Variants in ISL1 observed in about 807,000 individuals in gnomAD.
The protein encoded by ISL1 is ISL LIM homeobox 1.
ISL1 carries 4 observed loss-of-function variants against 35.3 expected under a neutral mutation model. The ratio of observed to expected loss-of-function variants is 0.11; its 90% CI spans 0.06 to 0.26. The LOEUF is 0.26. Ranked by LOEUF, ISL1 falls within the 10% of genes least tolerant of loss-of-function variation. The probability of loss-of-function intolerance (pLI) is 1.00; values close to 1 mark genes in which losing one functional copy is unlikely to be tolerated. For synonymous variants in ISL1, 186 were observed against 172.3 expected, an observed-to-expected ratio of 1.08 and a Z score of -0.62; for missense variants, 340 against 472.8, an observed-to-expected ratio of 0.72 and a Z score of 2.60.
chr5:51,386,923 T>G (rs1157744044), intron 2 of ISL1, among the ~76,000 whole-genome samples: 1 of 152,202 alleles, frequency 6.6e-6, no homozygotes, highest in African/African-American at 2.4e-5. Context: ...TCTGCTTGTT[T>G]ATTTGTGAGT....
At chr5:51,392,449 A>T (rs528343443) in intron 5 of ISL1, among the ~76,000 whole-genome samples, 17 of 152,198 alleles carry the variant, frequency 1.1e-4, no homozygotes, top group African/African-American at 3.9e-4. Context: ...CCTGGAGGGC[A>T]TTTGCTTTCT....
rs1747509193 is a variant in ISL1 at position 51,391,348 on chromosome 5, C to T, written c.840C>T (p.Asn280=). ...PERHDGGLQA[N]PVEVQSYQPP... The stretch of plus-strand genomic sequence containing the variant: ...GACACGACGGTGGCTTACAGGCTAA[C>T]CCAGTGGAAGTACAAAGTTACCAGC... Residue 280 remains asparagine, a synonymous_variant, in exon 5 of 6, where the codon AAC becomes AAT. Coordinates refer to ENST00000230658, the MANE Select transcript of ISL1 (RefSeq NM_002202.3). 6 of 1,613,956 alleles carry T rather than the reference C, an allele frequency of 3.7e-6. No individual in the cohort carries two copies. Among genetic ancestry groups the T allele is most frequent in the East Asian group, 4.5e-5 (2 of 44,870 alleles).
chr5:51,391,031 T>C (rs939919738), intron 4 of ISL1, among the ~76,000 whole-genome samples: 4 of 152,032 alleles, frequency 2.6e-5, no homozygotes, highest in African/African-American at 9.7e-5. Flanking sequence ...AAAATCAAAG[T>C]AGAATTTGGT....
chr5:51,384,585 C>G lies in ISL1; in HGVS notation c.73C>G (p.His25Asp). The change falls in exon 2 of 6, where the codon CAC becomes GAC. Residue 25 changes from histidine (H) to aspartate (D), a missense_variant. By Grantham distance (81) the His-to-Asp change is moderately conservative. Transcript: ENST00000230658. ...SLCVGCGNQI[H>D]DQYILRVSPD... The stretch of plus-strand genomic sequence containing the variant: ...ATGTGTTGGTTGCGGCAATCAGATT[C>G]ACGATCAGTATATTCTGAGGGTTTC... 6.2e-7 allele frequency: 1 copy of G among 1,614,106 alleles called. No homozygotes were observed. Among genetic ancestry groups the G allele is most frequent in the Non-Finnish European group, 8.5e-7 (1 of 1,180,016 alleles).
At chr5:51,386,587 G>A (rs1747347612) in intron 2 of ISL1, 3 of 456,078 alleles carry the variant, frequency 6.6e-6, no homozygotes, top group Admixed American at 4.7e-5. Context: ...AGGGGCCAGG[G>A]AAGTGCAGCC....
At chr5:51,391,479 C>T in intron 5 of ISL1, 38 bp downstream of exon 5, 2 of 1,607,288 alleles carry the variant, frequency 1.2e-6, no homozygotes, top group East Asian at 2.2e-5. Context: ...GCTGAATTCC[C>T]AACAGGAGAC....
intron 4 of ISL1, among the ~76,000 whole-genome samples, chr5:51,390,401 C>T (rs527371489): frequency 6.6e-6 from 1 of 152,100 alleles, no homozygotes; most frequent in African/African-American, 2.4e-5. Flanking sequence ...GCCCCCAGGG[C>T]GCACCGCACT....
chr5:51,393,857 G>A lies in ISL1; in HGVS notation c.*247G>A. 1 of 529,212 alleles carries A rather than the reference G, an allele frequency of 1.9e-6. No individual in the cohort carries two copies. The highest frequency in any genetic ancestry group is 3.4e-6 in the Non-Finnish European group (1 of 295,980). 32.8% of individuals were successfully genotyped at this position (529,212 alleles called of 1,614,324 possible). On this transcript the variant is annotated 3_prime_UTR_variant, in exon 6 of 6. Coordinates refer to ENST00000230658, the MANE Select transcript of ISL1 (RefSeq NM_002202.3). ...CAAAACCCAGTATATGCTATTCAAT[G>A]ATCTTAGAAGTACTGAAAAAAAAAG... is the stretch of plus-strand genomic sequence containing the variant.
chr5:51,389,552 G>GGCGGGCAA lies in ISL1; in HGVS notation c.479-90_479-83dup. On this transcript the variant is annotated intron_variant, in intron 3 of 5. Transcript: ENST00000230658. The surrounding 1 kb of genome is among the most constrained non-coding windows in gnomAD (Gnocchi z 5.0). ...GGGCGAGCAAGTAAGCGGGCGGGCG[G>GGCGGGCAA]GCGGGCAAGCGAGCGAGCGAGCGAG... is the stretch of plus-strand genomic sequence containing the variant. 1 of 1,143,308 alleles carries GGCGGGCAA rather than the reference G, an allele frequency of 8.7e-7. No individual in the cohort carries two copies. 70.8% of individuals were successfully genotyped at this position (1,143,308 alleles called of 1,614,324 possible).
chr5:51,393,793 A>G lies in ISL1; in HGVS notation c.*183A>G. The G allele has an allele frequency of 1.6e-6, 1 of 634,696 alleles. No homozygotes were observed. Among genetic ancestry groups the G allele is most frequent in the South Asian group, 1.8e-5 (1 of 54,406 alleles). The allele number at this position is 634,696 out of a possible 1,614,324, so 39.3% of individuals were successfully genotyped here. A position where few individuals can be genotyped will look rare whatever the true frequency, so the allele number is the denominator to read the frequency against. On this transcript the variant is annotated 3_prime_UTR_variant, in exon 6 of 6. Transcript: ENST00000230658. ...ATATGGTAGCAACACTGTGAAGACA[A>G]TCATGGGATTTTACTAGAATTAAAC... is the stretch of plus-strand genomic sequence containing the variant.
At chr5:51,388,944 GC>G (rs1252131218) in intron 3 of ISL1, among the ~76,000 whole-genome samples, 2 of 152,096 alleles carry the variant, frequency 1.3e-5, no homozygotes, top group African/African-American at 4.8e-5. Context: ...CTTGGGATCA[GC>G]CCATCTCAGG....
chr5:51,389,577 G>GCGCGCGAC lies in ISL1; in HGVS notation c.479-64_479-57dup, dbSNP rs1465386482. On this transcript the variant is annotated intron_variant, in intron 3 of 5. Coordinates refer to ENST00000230658, the MANE Select transcript of ISL1 (RefSeq NM_002202.3). This position sits in a 1 kb window ranked among gnomAD's most constrained non-coding sequence, Gnocchi z 5.0. ...GGCGGGCAAGCGAGCGAGCGAGCGA[G>GCGCGCGAC]CGCGCGACCGCGGGCGGGCCGGCAA... 2.2e-6 allele frequency: 3 copies of GCGCGCGAC among 1,349,828 alleles called. No individual in the cohort carries two copies. Among genetic ancestry groups the GCGCGCGAC allele is most frequent in the Non-Finnish European group, 2.9e-6 (3 of 1,049,940 alleles). The allele number at this position is 1,349,828 out of a possible 1,614,324, so 83.6% of individuals were successfully genotyped here. A position where few individuals can be genotyped will look rare whatever the true frequency, so the allele number is the denominator to read the frequency against.
chr5:51,383,783 G>A, intron 1 of ISL1, 84 bp downstream of exon 1: 2 of 1,200,448 alleles, frequency 1.7e-6, no homozygotes, highest in South Asian at 1.2e-5. Flanking sequence ...GGTGCCAAGG[G>A]CTCTTTGGAG....
chr5:51,390,636 C>CCTTTTTTTTTTTTTTTT (rs1747475980), intron 4 of ISL1, among the ~76,000 whole-genome samples: 5 of 74,326 alleles, frequency 6.7e-5, no homozygotes, highest in African/African-American at 1.7e-4. Flanking sequence ...TCTTTTCTTT[C>CCTTTTTTTTTTTTTTTT]TTTTTCTTTT....
chr5:51,384,456 G>A (rs1008360030), intron 1 of ISL1, 85 bp from the exon 2 acceptor site: 4 of 1,165,618 alleles, frequency 3.4e-6, no homozygotes, highest in Non-Finnish European at 2.5e-6. Context: ...CCCAGAGTAC[G>A]CCCTATAAGA....
At chr5:51,384,088 C>T (rs536699156) in intron 1 of ISL1, among the ~76,000 whole-genome samples, 25 of 152,260 alleles carry the variant, frequency 1.6e-4, no homozygotes, top group African/African-American at 5.8e-4. Flanking sequence ...GTATTTATGC[C>T]TGCTCTTGCT....
At chr5:51,384,019 A>C (rs1447958240) in intron 1 of ISL1, among the ~76,000 whole-genome samples, 1 of 152,174 alleles carries the variant, frequency 6.6e-6, no homozygotes, top group Non-Finnish European at 1.5e-5. Flanking sequence ...CTGCCTGCAC[A>C]GTCAATGCCC....
In ISL1 at chr5:51,389,978, C is replaced by A. The variant is rs200062297; in HGVS notation, c.765+46C>A. On this transcript the variant is annotated intron_variant, in intron 4 of 5. Transcript: ENST00000230658. This position sits in a 1 kb window ranked among gnomAD's most constrained non-coding sequence, Gnocchi z 5.0. ...GCAGGGAATGCGAGGGGGAAGGAGA[C>A]GCAGCGTGCGAGGTGCGTTCCTGGT... 7.9e-5 allele frequency: 127 copies of A among 1,597,980 alleles called. 1 individual carries two copies. The East Asian group carries it at 2.8e-3, about 36-fold the overall frequency.
chr5:51,385,293 C>A (rs1747317207), intron 2 of ISL1, among the ~76,000 whole-genome samples: 1 of 152,154 alleles, frequency 6.6e-6, no homozygotes, highest in African/African-American at 2.4e-5. Flanking sequence ...TTAAAACCAA[C>A]CTAAATATTC....
Sources: gnomAD v4.1 joint callset for allele counts (sites outside exome capture counted in the v4.1 genomes callset) on GRCh38, gnomAD v4.1.1 for gene constraint, Gnocchi (gnomAD v3.1) non-coding constraint, MANE v1.5 for transcripts, NCBI Gene and HGNC (gene_info 2026-07-23, HGNC 2026-07-21) for gene names.